PCDHA2: variants seen among roughly 807,000 people sequenced by gnomAD.
The protein encoded by PCDHA2 is protocadherin alpha-2.
A neutral mutation model predicts 66.0 loss-of-function variants in PCDHA2; 58 were observed. The ratio of observed to expected loss-of-function variants is 0.88; its 90% confidence interval spans 0.71 to 1.09. The LOEUF is 1.09. PCDHA2 is among the 50% of genes least tolerant of loss of function. The pLI is 0.00. For missense variants in PCDHA2, 1,267 were observed against 1,242.3 expected, an observed-to-expected ratio of 1.02 and a Z score of -0.30; for synonymous variants, 634 against 554.0, an observed-to-expected ratio of 1.14 and a Z score of -2.03.
chr5:140,998,158 T>C (rs1306702034), intron 3 of PCDHA2, among the ~76,000 whole-genome samples: 1 of 152,232 alleles, frequency 6.6e-6, no homozygotes, highest in Non-Finnish European at 1.5e-5. Context: ...AGTTAAGCCA[T>C]GTGCCAAGTA....
At chr5:140,809,334 T>C (rs782036778) in intron 1 of PCDHA2, 6 of 1,614,092 alleles carry the variant, frequency 3.7e-6, no homozygotes, top group Non-Finnish European at 5.1e-6. Flanking sequence ...CTCACGCTGC[T>C]GCTGTACACC....
intron 1 of PCDHA2, among the ~76,000 whole-genome samples, chr5:140,957,274 C>A (rs1251520860): frequency 6.6e-6 from 1 of 152,104 alleles, no homozygotes; most frequent in South Asian, 2.1e-4. Context: ...ACTAGTCCCC[C>A]CTTACCTGCA....
chr5:140,878,252 C>T (rs1250494755), intron 1 of PCDHA2, among the ~76,000 whole-genome samples: 26 of 152,184 alleles, frequency 1.7e-4, no homozygotes, highest in African/African-American at 3.1e-4. Context: ...CTCTTCCTCA[C>T]GTGCTTAGGC....
chr5:140,915,744 G>A (rs2077291791), intron 1 of PCDHA2, among the ~76,000 whole-genome samples: 1 of 151,896 alleles, frequency 6.6e-6, no homozygotes, highest in South Asian at 2.1e-4. Flanking sequence ...CAGACCTATA[G>A]CCAGCACAGC....
intron 1 of PCDHA2, chr5:140,809,123 C>G: frequency 6.2e-7 from 1 of 1,613,998 alleles, no homozygotes; most frequent in Non-Finnish European, 8.5e-7. Context: ...TCCGCGCCAC[C>G]GCCTACTGGT....
At chr5:140,864,188 T>C (rs1367092956) in intron 1 of PCDHA2, 1 of 152,142 alleles carries the variant, frequency 6.6e-6, no homozygotes, top group Non-Finnish European at 1.5e-5. Flanking sequence ...TGAATAATGA[T>C]CCTTATGAGA....
intron 1 of PCDHA2, among the ~76,000 whole-genome samples, chr5:140,837,701 TC>T (rs1775215037): frequency 6.6e-6 from 1 of 151,452 alleles, no homozygotes; most frequent in South Asian, 2.1e-4. Context: ...CAAGACACGC[TC>T]TCACTCCATC....
In PCDHA2 at chr5:140,886,016, A is replaced by G. The variant is rs192748955; in HGVS notation, c.2388+88664A>G. Among the ~76,000 whole-genome samples the G allele has an allele frequency of 3.1e-3, 468 of 152,290 alleles. 3 individuals are homozygous for G. Among genetic ancestry groups the G allele is most frequent in the Middle Eastern group, 0.014 (4 of 294 alleles). On this transcript the variant is annotated intron_variant, in intron 1 of 3. Transcript: ENST00000526136. ...GAAAGAAATAGTAAAGGGAGATGCTATGTATTCTTCACTAAGTTTTCCCCA... is the reference window on the plus strand; with the variant it reads ...GAAAGAAATAGTAAAGGGAGATGCTGTGTATTCTTCACTAAGTTTTCCCCA...
chr5:140,804,575 T>A (rs576900652), intron 1 of PCDHA2: 5 of 152,418 alleles, frequency 3.3e-5, no homozygotes, highest in African/African-American at 1.2e-4. Context: ...GATGCTAATA[T>A]GAAATAAGTT....
At chr5:140,922,865 G>A (rs1554201014) in intron 1 of PCDHA2, among the ~76,000 whole-genome samples, 1 of 152,062 alleles carries the variant, frequency 6.6e-6, no homozygotes, top group Non-Finnish European at 1.5e-5. Flanking sequence ...ATAGACAAGG[G>A]GAAAAAATCC....
chr5:140,963,216 T>C (rs868943222), intron 1 of PCDHA2, among the ~76,000 whole-genome samples: 24 of 152,176 alleles, frequency 1.6e-4, no homozygotes, highest in Admixed American at 1.2e-3. Context: ...ACCTCGTGTT[T>C]AGAGTAGACA....
chr5:140,871,635 A>G, intron 1 of PCDHA2: 1 of 1,364,150 alleles, frequency 7.3e-7, no homozygotes, highest in Non-Finnish European at 9.8e-7. Context: ...ATGTCTGTTC[A>G]TAAAATACCA....
rs536794003 is a variant in PCDHA2, at chr5:140,982,215, G to A, written c.2448-260G>A. Reference sequence around the variant, plus strand: ...CTGTTAGATTTAGTGAGCGCCACATGGCGTTAATAAAAAACAGAATTGCCA... The same window carrying A: ...CTGTTAGATTTAGTGAGCGCCACATAGCGTTAATAAAAAACAGAATTGCCA... On this transcript the variant is annotated intron_variant, in intron 2 of 3. Coordinates refer to ENST00000526136, the MANE Select transcript of PCDHA2 (RefSeq NM_018905.3). The A allele has an allele frequency of 2.0e-5, 10 of 491,624 alleles. No individual in the cohort carries two copies. In the South Asian group the frequency reaches 3.6e-4, roughly 18 times the overall value. The allele number at this position is 491,624 out of a possible 1,614,324, so 30.5% of individuals were successfully genotyped here. A position where few individuals can be genotyped will look rare whatever the true frequency, so the allele number is the denominator to read the frequency against.
intron 1 of PCDHA2, among the ~76,000 whole-genome samples, chr5:140,913,855 T>C (rs1554196077): frequency 6.6e-6 from 1 of 152,220 alleles, no homozygotes; most frequent in Admixed American, 6.5e-5. Context: ...TTCAGGAGCA[T>C]ATTGTTTAAT....
intron 1 of PCDHA2, chr5:140,853,873 G>T (rs1238273560): frequency 1.0e-6 from 1 of 983,500 alleles, no homozygotes; most frequent in Non-Finnish European, 1.2e-6. Context: ...GACAGTGCAA[G>T]TTTCTGTAAT....
At chr5:140,823,267 G>T (rs1554129226) in intron 1 of PCDHA2, 8 of 1,612,742 alleles carry the variant, frequency 5.0e-6, no homozygotes, top group South Asian at 1.1e-5. Flanking sequence ...GGAGCGGCGG[G>T]TGGGCGAGCG....
At chr5:140,823,847 C>T (rs2150129709) in intron 1 of PCDHA2, 852,665 of 1,613,520 alleles carry the variant, frequency 0.53, 225,878 homozygotes, top group Middle Eastern at 0.58. Flanking sequence ...CCCGAGGCTG[C>T]CCTGGTGGAT....
chr5:140,843,871 A>G, intron 1 of PCDHA2: 1 of 816,250 alleles, frequency 1.2e-6, no homozygotes, highest in East Asian at 2.7e-5. Context: ...GAATTTTCTC[A>G]GTGGCATAAT....
At chr5:140,979,817 A>G (rs1228260788) in intron 2 of PCDHA2, among the ~76,000 whole-genome samples, 1 of 152,262 alleles carries the variant, frequency 6.6e-6, no homozygotes, top group Non-Finnish European at 1.5e-5. Flanking sequence ...AAAAGGATTT[A>G]ATTTTAAAGA....
Sources: gnomAD v4.1 joint callset for allele counts (sites outside exome capture counted in the v4.1 genomes callset) on GRCh38, gnomAD v4.1.1 for gene constraint, MANE v1.5 for transcripts, NCBI Gene and HGNC (gene_info 2026-07-23, HGNC 2026-07-21) for gene names.